PRPF31: variants seen among roughly 807,000 people sequenced by gnomAD.
PRPF31 encodes U4/U6 small nuclear ribonucleoprotein Prp31.
PRPF31 carries 12 observed loss-of-function variants against 60.4 expected under a neutral mutation model. The ratio of observed to expected loss-of-function variants is 0.20; its 90% CI spans 0.13 to 0.32. PRPF31 has a LOEUF of 0.32. PRPF31 is among the 10% of genes least tolerant of loss of function. The pLI is 1.00. For missense variants in PRPF31, 431 were observed against 687.1 expected (o/e 0.63, Z 4.17); for synonymous variants, 287 against 287.9 (o/e 1.00, Z 0.03).
intron 1 of PRPF31, among the ~76,000 whole-genome samples, chr19:54,116,561 G>A (rs1347351061): frequency 6.6e-6 from 1 of 152,240 alleles, no homozygotes; most frequent in African/African-American, 2.4e-5. Context: ...GTGTGGCCCT[G>A]GGGATGTGGA....
intron 13 of PRPF31, 96 bp from the exon 14 acceptor site, chr19:54,131,211 T>C (rs1320357899): frequency 6.5e-7 from 1 of 1,530,700 alleles, no homozygotes; most frequent in East Asian, 2.2e-5. Flanking sequence ...CACCAAGGCC[T>C]GAGTGCCATG....
At position 54,128,535 on chromosome 19, in the gene PRPF31, C is replaced by T. The variant is rs587697547; in HGVS notation, c.1146+158C>T. The stretch of plus-strand genomic sequence containing the variant: ...CCCGGCCTCTATTCTCGTTTCCATC[C>T]GTTCAGCCCCAAAGCGACCCTCGCG... On this transcript the variant is annotated intron_variant, in intron 11 of 13. Transcript: ENST00000321030. Among the ~76,000 whole-genome samples the T allele has an allele frequency of 1.3e-4, 19 of 148,818 alleles. No individual in the cohort carries two copies. In the South Asian group the frequency reaches 3.2e-3, roughly 25 times the overall value.
rs145278604 is a variant in PRPF31, at chr19:54,130,943, T to G, written c.1375-364T>G. ...CCAGCCAGGTGTTGGCTCCCATTGC[T>G]GCCACTATGATCGTCAGTGGTGTTG... On this transcript the variant is annotated intron_variant, in intron 13 of 13. Coordinates refer to ENST00000321030, the MANE Select transcript of PRPF31 (RefSeq NM_015629.4). Among the ~76,000 whole-genome samples the G allele has an allele frequency of 4.4e-3, 675 of 152,326 alleles. 3 individuals are homozygous for G. Among genetic ancestry groups the G allele is most frequent in the African/African-American group, 0.015 (621 of 41,568 alleles).
chr19:54,116,715 A>T (rs1470608905), intron 1 of PRPF31, among the ~76,000 whole-genome samples: 1 of 152,264 alleles, frequency 6.6e-6, no homozygotes, highest in African/African-American at 2.4e-5. Context: ...GTTATCACAA[A>T]GCAACCTCCT....
chr19:54,122,460 C>T, intron 4 of PRPF31, 37 bp from the exon 5 acceptor site: 2 of 1,485,578 alleles, frequency 1.3e-6, no homozygotes, highest in Non-Finnish European at 1.9e-6. Context: ...GTCTACCTTC[C>T]ATCTCACCCG....
In PRPF31 at chr19:54,131,390, C is replaced by T. The variant is rs756237983; in HGVS notation, c.1458C>T (p.Phe486=). 9 of 1,613,972 alleles carry T rather than the reference C, an allele frequency of 5.6e-6. No individual in the cohort carries two copies. Among genetic ancestry groups the T allele is most frequent in the Non-Finnish European group, 7.6e-6 (9 of 1,180,036 alleles). The change falls in exon 14 of 14, where the codon TTC becomes TTT. Residue 486 remains phenylalanine (F), a synonymous_variant. Coordinates refer to ENST00000321030, the MANE Select transcript of PRPF31 (RefSeq NM_015629.4). The part of the protein sequence containing the change: ...NQKYFSSMAE[F]LKVKGEKSGL... ...AGTATTTCTCCAGCATGGCTGAGTT[C>T]CTCAAGGTCAAGGGCGAGAAGAGTG...
chr19:54,126,498 A>G (rs1600350493), intron 8 of PRPF31, 30 bp from the exon 9 acceptor site: 2 of 1,602,746 alleles, frequency 1.2e-6, no homozygotes, highest in East Asian at 2.2e-5. Flanking sequence ...TGTCTCACAC[A>G]GATTCCACCC....
intron 9 of PRPF31, among the ~76,000 whole-genome samples, chr19:54,126,951 A>T (rs1263083900): frequency 2.0e-5 from 3 of 152,184 alleles, no homozygotes; most frequent in African/African-American, 7.2e-5. Context: ...CAACATGGTG[A>T]AACCCCATCT....
rs1470235353 is a variant in PRPF31 at position 54,123,559 on chromosome 19, G to T, written c.526G>T (p.Gly176Trp). The change falls in exon 6 of 14, where the codon GGG becomes TGG. Residue 176 changes from glycine (G) to tryptophan (W), a missense_variant and splice_region_variant. Around this residue, in one of 4 missense-constraint regions of PRPF31, gnomAD observed 314 missense variants for 475.3 expected, o/e 0.66. Coordinates refer to ENST00000321030, the MANE Select transcript of PRPF31 (RefSeq NM_015629.4). ...VVSVTASTTQ[G>W]QQLSEEELER... ...CAGCGTCACCGCCTCCACCACCCAG[G>T]GGTATGTCCGCTTCGAGGGAGGCGC... 1.2e-6 allele frequency: 2 copies of T among 1,613,974 alleles called. No individual in the cohort carries two copies. The highest frequency in any genetic ancestry group is 1.3e-5 in the African/African-American group (1 of 75,032).
chr19:54,118,503 C>T (rs1392990868), intron 2 of PRPF31, 48 bp downstream of exon 2: 1 of 1,613,758 alleles, frequency 6.2e-7, no homozygotes, highest in South Asian at 1.1e-5. Context: ...GACAGAATCT[C>T]CCAGAAGGGG....
chr19:54,117,317 C>G (rs1484659989), intron 1 of PRPF31, among the ~76,000 whole-genome samples: 20 of 152,036 alleles, frequency 1.3e-4, no homozygotes, highest in Non-Finnish European at 2.9e-4. Context: ...TTTAGAAGAC[C>G]ATTTCAAGCT....
intron 3 of PRPF31, 118 bp downstream of exon 3, chr19:54,118,751 T>C (rs1473115631): frequency 1.0e-6 from 1 of 995,688 alleles, no homozygotes; most frequent in Non-Finnish European, 1.5e-6. Context: ...GAGCCTTCTT[T>C]TTTTTTTGTT....
Position 54,126,627 on chromosome 19 carries a change from GA to G in PRPF31, c.945+13del. 6.2e-7 allele frequency: 1 copy of G among 1,612,584 alleles called. No individual in the cohort carries two copies. Among genetic ancestry groups the G allele is most frequent in the Non-Finnish European group, 8.5e-7 (1 of 1,179,286 alleles). ...GAGCACAGAAGGGAAGGTGAGGAGG[GA>G]AAGGTGAGGGGCGGCCGGGCGTCTT... On this transcript the variant is annotated intron_variant, in intron 9 of 13. Coordinates refer to ENST00000321030, the MANE Select transcript of PRPF31 (RefSeq NM_015629.4).
rs112825495 is a variant in PRPF31 at position 54,124,032 on chromosome 19, G to A, written c.697+114G>A. 1.9e-4 allele frequency: 291 copies of A among 1,538,042 alleles called. 1 individual carries two copies. The African/African-American group carries it at 3.4e-3, about 18-fold the overall frequency. ...TTTGGCACCTGGACCTCAGCACCCC[G>A]TCTCCCTGGACATCACAGAGGTCAG... On this transcript the variant is annotated intron_variant, in intron 7 of 13. Transcript: ENST00000321030.
At chr19:54,128,628 C>T (rs1015755667) in intron 11 of PRPF31, among the ~76,000 whole-genome samples, 2 of 152,044 alleles carry the variant, frequency 1.3e-5, no homozygotes, top group African/African-American at 2.4e-5. Flanking sequence ...GCTCCTTGGC[C>T]GGTTCCTCCC....
At chr19:54,121,965 G>T in intron 4 of PRPF31, 22 bp downstream of exon 4, 1 of 1,601,206 alleles carries the variant, frequency 6.2e-7, no homozygotes, top group East Asian at 2.2e-5. Flanking sequence ...GGGGCAGGCG[G>T]AGACAGCCCC....
rs1934304326 is a variant in PRPF31 at position 54,129,083 on chromosome 19, C to T, written c.1173C>T (p.Asp391=). 6.3e-7 allele frequency: 1 copy of T among 1,578,430 alleles called. No individual in the cohort carries two copies. The highest frequency in any genetic ancestry group is 8.6e-7 in the Non-Finnish European group (1 of 1,163,216). ...TCGAGGAGGACGCCTACCAGGAGGACCTGGGATTCAGCCTGGGCCACCTGG... is the reference window on the plus strand; with the variant it reads ...TCGAGGAGGACGCCTACCAGGAGGATCTGGGATTCAGCCTGGGCCACCTGG... The part of the protein sequence containing the change: ...GEIEEDAYQE[D]LGFSLGHLGK... The change falls in exon 12 of 14, where the codon GAC becomes GAT. Residue 391 remains aspartate, a synonymous_variant. Coordinates refer to ENST00000321030, the MANE Select transcript of PRPF31 (RefSeq NM_015629.4).
intron 8 of PRPF31, 151 bp from the exon 9 acceptor site, chr19:54,126,377 A>T: frequency 1.4e-6 from 1 of 714,822 alleles, no homozygotes; most frequent in Non-Finnish European, 2.5e-6. Context: ...GTGAAGTAGG[A>T]GCTGAGAGCA....
intron 7 of PRPF31, chr19:54,124,174 G>A: frequency 1.3e-6 from 1 of 751,212 alleles, no homozygotes; most frequent in Non-Finnish European, 2.1e-6. Flanking sequence ...TTGTCAGGGA[G>A]CTCCTGGTTT....
Sources: gnomAD v4.1 joint callset for allele counts (sites outside exome capture counted in the v4.1 genomes callset) on GRCh38, gnomAD v4.1.1 for gene constraint, gnomAD v4.1.1 regional missense constraint, MANE v1.5 for transcripts, NCBI Gene and HGNC (gene_info 2026-07-23, HGNC 2026-07-21) for gene names.